GINM1: variants seen among roughly 807,000 people sequenced by gnomAD.
The protein encoded by GINM1 is glycoprotein integral membrane protein 1.
A neutral mutation model predicts 37.8 loss-of-function variants in GINM1; 29 were observed. The observed-to-expected ratio is 0.77, with a 90% CI of 0.57 to 1.05. The LOEUF (loss-of-function observed/expected upper bound fraction) is 1.05, where lower values mean the gene tolerates loss of function less well. GINM1 is among the 50% of genes least tolerant of loss of function. The probability of loss-of-function intolerance (pLI) is 0.00; values close to 1 mark genes in which losing one functional copy is unlikely to be tolerated. For missense variants in GINM1, 377 were observed against 397.9 expected, an observed-to-expected ratio of 0.95 and a Z score of 0.45; for synonymous variants, 143 against 146.2, an observed-to-expected ratio of 0.98 and a Z score of 0.16.
chr6:149,574,483 T>C (rs1453266648), intron 3 of GINM1, among the ~76,000 whole-genome samples: 1 of 152,280 alleles, frequency 6.6e-6, no homozygotes, highest in Non-Finnish European at 1.5e-5. Context: ...GTGTTTCTTT[T>C]TCTTCCCCCT....
intron 7 of GINM1, among the ~76,000 whole-genome samples, chr6:149,584,168 GT>G (rs1778038545): frequency 6.6e-6 from 1 of 152,018 alleles, no homozygotes; most frequent in Admixed American, 6.6e-5. Flanking sequence ...TAGAGATGGG[GT>G]TTTTCCACGT....
Position 149,579,940 on chromosome 6 carries a change from T to C in GINM1, c.536T>C (p.Ile179Thr), listed in dbSNP as rs1777973769. 1.2e-6 allele frequency: 2 copies of C among 1,610,934 alleles called. No homozygotes were observed. The highest frequency in any genetic ancestry group is 1.7e-6 in the Non-Finnish European group (2 of 1,177,788). ...LPLEESMLYSISRDSDILFTL... is the reference protein window; with the variant it reads ...LPLEESMLYSTSRDSDILFTL... The stretch of plus-strand genomic sequence containing the variant: ...TTGGAAGAAAGCATGCTCTACTCTA[T>C]TTCTCGAGACAGTGACATTTTATTT... The change falls in exon 5 of 8, where the codon ATT becomes ACT. Residue 179 changes from isoleucine (I) to threonine (T), a missense_variant. Transcript: ENST00000367419.
intron 3 of GINM1, among the ~76,000 whole-genome samples, chr6:149,575,665 G>A (rs1236581642): frequency 1.3e-5 from 2 of 152,214 alleles, no homozygotes; most frequent in African/African-American, 4.8e-5. Context: ...ATGTGTGGGT[G>A]TGTATTTTTT....
At chr6:149,575,558 G>C (rs1469920108) in intron 3 of GINM1, among the ~76,000 whole-genome samples, 1 of 152,186 alleles carries the variant, frequency 6.6e-6, no homozygotes, top group East Asian at 1.9e-4. Flanking sequence ...AATCACATAG[G>C]ATATTGTACT....
chr6:149,584,994 A>G (rs565578216), intron 7 of GINM1, among the ~76,000 whole-genome samples: 26 of 152,134 alleles, frequency 1.7e-4, no homozygotes, highest in African/African-American at 6.0e-4. Flanking sequence ...TTGGCACTCA[A>G]AAAGTTTTGG....
intron 7 of GINM1, among the ~76,000 whole-genome samples, chr6:149,589,803 T>C (rs139550215): frequency 6.6e-6 from 1 of 152,162 alleles, no homozygotes; most frequent in East Asian, 1.9e-4. Flanking sequence ...CTCTCATGTT[T>C]TGTTTTTGTT....
rs1777730237 is a variant in GINM1 at position 149,566,977 on chromosome 6, G to T, written c.120+443G>T. 6.6e-6 allele frequency among the ~76,000 whole-genome samples: 1 copy of T among 152,244 alleles called. No homozygotes were observed. Among genetic ancestry groups the T allele is most frequent in the Admixed American group, 6.5e-5 (1 of 15,290 alleles). ...TTGTGCCTGCTCGGCCTGCGATCGC[G>T]AGGGTCCGCCGTTCCGAGGCTGCGG... On this transcript the variant is annotated intron_variant, in intron 1 of 7. Transcript: ENST00000367419. This position sits in a 1 kb window ranked among gnomAD's most constrained non-coding sequence, Gnocchi z 4.4.
At chr6:149,574,904 G>A (rs1355907767) in intron 3 of GINM1, among the ~76,000 whole-genome samples, 1 of 152,104 alleles carries the variant, frequency 6.6e-6, no homozygotes, top group African/African-American at 2.4e-5. Flanking sequence ...AAATAAATTT[G>A]TACTTTTATC....
At chr6:149,571,663 G>C (rs576702032) in intron 1 of GINM1, among the ~76,000 whole-genome samples, 1 of 152,182 alleles carries the variant, frequency 6.6e-6, no homozygotes, top group African/African-American at 2.4e-5. Context: ...AGCCTGCCAA[G>C]GTAGGGGTAA....
At chr6:149,585,083 C>T (rs1721777244) in intron 7 of GINM1, among the ~76,000 whole-genome samples, 1 of 152,116 alleles carries the variant, frequency 6.6e-6, no homozygotes, top group South Asian at 2.1e-4. Flanking sequence ...ATTTCTTTCC[C>T]CTTTGGCTGC....
rs1007805065 is a variant in GINM1 at position 149,566,718 on chromosome 6, A to T, written c.120+184A>T. On this transcript the variant is annotated intron_variant, in intron 1 of 7. Transcript: ENST00000367419. This position sits in a 1 kb window ranked among gnomAD's most constrained non-coding sequence, Gnocchi z 4.4. Reference sequence around the variant, plus strand: ...GGCGTGGGAGGCCGAGGTAAGAGGAAAGGGACCCACTGGGGCTGCGTCGCT... The same window carrying T: ...GGCGTGGGAGGCCGAGGTAAGAGGATAGGGACCCACTGGGGCTGCGTCGCT... Among the ~76,000 whole-genome samples, 8 of 152,214 alleles carry T rather than the reference A, an allele frequency of 5.3e-5. No homozygotes were observed. Among genetic ancestry groups the T allele is most frequent in the African/African-American group, 7.2e-5 (3 of 41,560 alleles).
intron 1 of GINM1, among the ~76,000 whole-genome samples, chr6:149,570,274 A>G (rs902615092): frequency 5.4e-5 from 8 of 148,298 alleles, no homozygotes; most frequent in East Asian, 2.0e-4. Flanking sequence ...CTAGAACAAC[A>G]TTGGAGGCTT....
At chr6:149,573,176 G>A (rs969914717) in intron 3 of GINM1, among the ~76,000 whole-genome samples, 8 of 151,888 alleles carry the variant, frequency 5.3e-5, no homozygotes, top group Admixed American at 2.6e-4. Flanking sequence ...TGTGGTGTGT[G>A]CGCCTGTAAT....
chr6:149,576,180 C>T (rs949647066), intron 3 of GINM1: 1 of 152,112 alleles, frequency 6.6e-6, no homozygotes, highest in Non-Finnish European at 1.5e-5. Context: ...ATCTGCTTCC[C>T]AGCTCACTCA....
At chr6:149,585,365 G>A (rs1455688912) in intron 7 of GINM1, among the ~76,000 whole-genome samples, 1 of 152,060 alleles carries the variant, frequency 6.6e-6, no homozygotes, top group Non-Finnish European at 1.5e-5. Context: ...ATTGTCAACT[G>A]AGTTGACATT....
At chr6:149,589,418 G>A (rs1003173832) in intron 7 of GINM1, among the ~76,000 whole-genome samples, 44 of 151,306 alleles carry the variant, frequency 2.9e-4, no homozygotes, top group Non-Finnish European at 5.6e-4. Flanking sequence ...GATTACAGGC[G>A]TGCACCACCA....
At chr6:149,582,666 C>A in intron 7 of GINM1, 63 bp downstream of exon 7, 2 of 1,173,436 alleles carry the variant, frequency 1.7e-6, no homozygotes, top group Non-Finnish European at 1.2e-6. Flanking sequence ...GACATATTTG[C>A]TATGTTTTAG....
In GINM1 at chr6:149,569,313, G is replaced by A. The variant is rs138097832; in HGVS notation, c.120+2779G>A. ...AGCCTTCCAAAGTGCTGGGATTACA[G>A]GTGTGAGCCACTGCGCCCGGTCACT... On this transcript the variant is annotated intron_variant, in intron 1 of 7. Coordinates refer to ENST00000367419, the MANE Select transcript of GINM1 (RefSeq NM_138785.5). 9.5e-3 allele frequency among the ~76,000 whole-genome samples: 1,418 copies of A among 149,488 alleles called. 20 individuals carry two copies. The highest frequency in any genetic ancestry group is 0.033 in the African/African-American group (1,361 of 40,906).
chr6:149,584,206 C>A (rs1261060171), intron 7 of GINM1, among the ~76,000 whole-genome samples: 4 of 152,130 alleles, frequency 2.6e-5, no homozygotes, highest in African/African-American at 9.7e-5. Context: ...GAACTCCTGA[C>A]CTCAGGTGGA....
Sources: allele counts gnomAD v4.1 joint callset (sites outside exome capture counted in the v4.1 genomes callset), GRCh38; gene constraint gnomAD v4.1.1; non-coding constraint Gnocchi (gnomAD v3.1); transcripts MANE v1.5; gene names NCBI Gene and HGNC (gene_info 2026-07-23, HGNC 2026-07-21).